The following SMOC2 variants were observed in gnomAD, a reference collection of about 807,000 sequenced individuals.
SMOC2 encodes the protein SPARC-related modular calcium-binding protein 2.
A neutral mutation model predicts 61.4 loss-of-function variants in SMOC2; 39 were observed. That is an observed-to-expected ratio of 0.64 (90% CI 0.49 to 0.83). The LOEUF (loss-of-function observed/expected upper bound fraction) is 0.83. SMOC2 is among the 40% of genes least tolerant of loss of function. SMOC2 has a pLI of 0.00. For synonymous variants in SMOC2, 247 were observed against 239.9 expected, an observed-to-expected ratio of 1.03 and a Z score of -0.27; for missense variants, 556 against 592.9, an observed-to-expected ratio of 0.94 and a Z score of 0.65.
intron 9 of SMOC2, among the ~76,000 whole-genome samples, chr6:168,625,363 G>A (rs1325362835): frequency 6.6e-6 from 1 of 152,192 alleles, no homozygotes; most frequent in Non-Finnish European, 1.5e-5. Flanking sequence ...GGGAACGCTG[G>A]AGCAGGTTGT....
chr6:168,549,794 A>G (rs549299664), intron 7 of SMOC2, among the ~76,000 whole-genome samples: 1 of 152,310 alleles, frequency 6.6e-6, no homozygotes. Flanking sequence ...TTAAAATTAA[A>G]TTTTCTAAAT....
chr6:168,529,396 GA>G (rs1783532159), intron 4 of SMOC2, among the ~76,000 whole-genome samples: 1 of 152,214 alleles, frequency 6.6e-6, no homozygotes, highest in Non-Finnish European at 1.5e-5. Flanking sequence ...TGCTGTCTGT[GA>G]GGGGGGGCAG....
chr6:168,578,206 C>G (rs185533800), intron 7 of SMOC2, among the ~76,000 whole-genome samples: 2 of 152,294 alleles, frequency 1.3e-5, no homozygotes, highest in East Asian at 3.9e-4. Context: ...AATCTTCTGT[C>G]CCTTCTCCCC....
chr6:168,656,120 G>T (rs184949415), intron 11 of SMOC2, among the ~76,000 whole-genome samples: 1 of 152,160 alleles, frequency 6.6e-6, no homozygotes, highest in Admixed American at 6.5e-5. Context: ...AATCTCTGTC[G>T]TTTATGACTC....
chr6:168,647,832 A>G (rs1787081227), intron 9 of SMOC2, among the ~76,000 whole-genome samples: 1 of 152,188 alleles, frequency 6.6e-6, no homozygotes, highest in African/African-American at 2.4e-5. Context: ...GTCATCAGTA[A>G]CAAGCATTAT....
At chr6:168,635,354 C>T (rs1352901462) in intron 9 of SMOC2, among the ~76,000 whole-genome samples, 2 of 152,038 alleles carry the variant, frequency 1.3e-5, no homozygotes, top group African/African-American at 4.8e-5. Flanking sequence ...ATAAAGAGCG[C>T]AGGGAAAAAA....
intron 7 of SMOC2, among the ~76,000 whole-genome samples, chr6:168,595,540 C>T (rs942792426): frequency 6.6e-5 from 10 of 152,200 alleles, no homozygotes; most frequent in African/African-American, 2.4e-4. Context: ...TGTTCTGTGG[C>T]CTTCTCTTCC....
At chr6:168,534,066 G>A (rs1783677009) in intron 4 of SMOC2, among the ~76,000 whole-genome samples, 1 of 152,038 alleles carries the variant, frequency 6.6e-6, no homozygotes, top group African/African-American at 2.4e-5. Flanking sequence ...TGCAACAAAA[G>A]TGAGACCCCC....
chr6:168,487,388 G>T (rs544338348), intron 1 of SMOC2, among the ~76,000 whole-genome samples: 15 of 152,290 alleles, frequency 9.8e-5, no homozygotes, highest in African/African-American at 3.4e-4. Context: ...GAGATGCTGT[G>T]CCAACAGTAT....
intron 11 of SMOC2, among the ~76,000 whole-genome samples, chr6:168,656,296 C>T (rs568200093): frequency 4.6e-5 from 7 of 151,934 alleles, no homozygotes; most frequent in South Asian, 2.1e-4. Flanking sequence ...GGATCACCTG[C>T]GGTCAGAAGT....
chr6:168,620,612 G>T (rs1273744299), intron 9 of SMOC2, among the ~76,000 whole-genome samples: 1 of 152,128 alleles, frequency 6.6e-6, no homozygotes, highest in Non-Finnish European at 1.5e-5. Context: ...CCAATGTCAA[G>T]AACATTTCAC....
chr6:168,577,467 T>C (rs1784831750), intron 7 of SMOC2, among the ~76,000 whole-genome samples: 1 of 152,192 alleles, frequency 6.6e-6, no homozygotes, highest in Non-Finnish European at 1.5e-5. Context: ...CTGGTTTCCA[T>C]TGTGATGGTT....
In SMOC2 at chr6:168,471,399, C is replaced by T. The variant is rs147686410; in HGVS notation, c.84+29945C>T. The stretch of plus-strand genomic sequence containing the variant: ...ATAATGGCCTCAAGGTTCATTCATG[C>T]GGTAACATAGTTCAGCATTTCCTTC... On this transcript the variant is annotated intron_variant, in intron 1 of 12. Coordinates refer to ENST00000356284, the MANE Select transcript of SMOC2 (RefSeq NM_001166412.2). Among the ~76,000 whole-genome samples the T allele has an allele frequency of 5.6e-3, 850 of 152,294 alleles. 7 individuals carry two copies. The highest frequency in any genetic ancestry group is 0.018 in the African/African-American group (762 of 41,558).
intron 1 of SMOC2, among the ~76,000 whole-genome samples, chr6:168,457,836 A>G (rs1391319905): frequency 6.6e-6 from 1 of 152,110 alleles, no homozygotes; most frequent in Non-Finnish European, 1.5e-5. Flanking sequence ...TAATGAGTCT[A>G]ATAGAAACAT....
Position 168,539,561 on chromosome 6 carries a change from C to T in SMOC2, c.464-4064C>T, listed in dbSNP as rs368571613. Among the ~76,000 whole-genome samples the T allele has an allele frequency of 1.2e-4, 19 of 152,356 alleles. No homozygotes were observed. The Middle Eastern group carries it at 0.014, about 109-fold the overall frequency. ...GCATGGTGTCTGGGTCCCAGGACAGCGGGCTCAGGCCTTCCACACCGGCTC... is the reference window on the plus strand; with the variant it reads ...GCATGGTGTCTGGGTCCCAGGACAGTGGGCTCAGGCCTTCCACACCGGCTC... On this transcript the variant is annotated intron_variant, in intron 4 of 12. Transcript: ENST00000356284.
intron 2 of SMOC2, among the ~76,000 whole-genome samples, chr6:168,517,064 C>T (rs1783156012): frequency 6.6e-6 from 1 of 152,214 alleles, no homozygotes; most frequent in Admixed American, 6.5e-5. Flanking sequence ...ATGGTTGTAA[C>T]AGGAATCTAA....
intron 9 of SMOC2, among the ~76,000 whole-genome samples, chr6:168,626,941 C>T (rs970530785): frequency 1.3e-5 from 2 of 152,182 alleles, no homozygotes; most frequent in African/African-American, 4.8e-5. Flanking sequence ...CCGGGAGAGT[C>T]ATTCTTCTAC....
intron 9 of SMOC2, among the ~76,000 whole-genome samples, chr6:168,637,017 T>C (rs1476966082): frequency 1.3e-5 from 2 of 148,218 alleles, no homozygotes; most frequent in African/African-American, 5.0e-5. Flanking sequence ...TTCCAAGTCC[T>C]CTCTGTGCAT....
chr6:168,570,078 C>T (rs1260508375), intron 7 of SMOC2, among the ~76,000 whole-genome samples: 1 of 150,936 alleles, frequency 6.6e-6, no homozygotes, highest in Non-Finnish European at 1.5e-5. Flanking sequence ...GCGGATGTCC[C>T]GTCGTCCTGG....
Sources: allele counts gnomAD v4.1 joint callset (sites outside exome capture counted in the v4.1 genomes callset), GRCh38; gene constraint gnomAD v4.1.1; transcripts MANE v1.5; gene names NCBI Gene and HGNC (gene_info 2026-07-23, HGNC 2026-07-21).